DDX18: variants seen among roughly 807,000 people sequenced by gnomAD.
The protein encoded by DDX18 is DEAD-box helicase 18.
In DDX18, 23 loss-of-function variants were observed where a neutral mutation model predicts 73.5. The observed-to-expected ratio is 0.31, with a 90% confidence interval of 0.23 to 0.44. The LOEUF is 0.44. DDX18 is among the 20% of genes least tolerant of loss of function. DDX18 has a pLI of 1.00. For synonymous variants in DDX18, 268 were observed against 282.7 expected, an observed-to-expected ratio of 0.95 and a Z score of 0.52; for missense variants, 753 against 792.9, an observed-to-expected ratio of 0.95 and a Z score of 0.60.
intron 13 of DDX18, among the ~76,000 whole-genome samples, chr2:117,830,154 A>T (rs1679997030): frequency 6.6e-6 from 1 of 152,186 alleles, no homozygotes; most frequent in Admixed American, 6.5e-5. Flanking sequence ...AGCTGAAATG[A>T]ATGTATGTCG....
chr2:117,816,689 TTTATTATCA>T (rs1413958145), intron 1 of DDX18, among the ~76,000 whole-genome samples: 1 of 152,192 alleles, frequency 6.6e-6, no homozygotes, highest in Non-Finnish European at 1.5e-5. Flanking sequence ...AGTAACATAG[TTTATTATCA>T]CGTATTATGT....
intron 9 of DDX18, 111 bp from the exon 10 acceptor site, chr2:117,825,336 C>T: frequency 7.5e-7 from 1 of 1,340,392 alleles, no homozygotes; most frequent in South Asian, 1.4e-5. Flanking sequence ...GGAAATAGGA[C>T]ATAGGCCAAG....
intron 12 of DDX18, 37 bp downstream of exon 12, chr2:117,829,042 C>G: frequency 6.5e-7 from 1 of 1,542,426 alleles, no homozygotes; most frequent in South Asian, 1.1e-5. Flanking sequence ...TAAACAGGAA[C>G]CTTGTCCCAG....
chr2:117,820,716 T>G (rs1679831632), intron 3 of DDX18, among the ~76,000 whole-genome samples: 1 of 152,234 alleles, frequency 6.6e-6, no homozygotes, highest in South Asian at 2.1e-4. Context: ...CCTAACATTC[T>G]GTGGCTGTAT....
In DDX18 at chr2:117,817,675, A is replaced by G. The variant is rs948247921; in HGVS notation, c.317A>G (p.Glu106Gly). The G allele has an allele frequency of 6.2e-7, 1 of 1,605,712 alleles. No homozygotes were observed. The highest frequency in any genetic ancestry group is 1.1e-5 in the South Asian group (1 of 88,426). Residue 106 changes from glutamate to glycine, a missense_variant, in exon 2 of 14, where the codon GAA becomes GGA. Coordinates refer to ENST00000263239, the MANE Select transcript of DDX18 (RefSeq NM_006773.4). ...GCAGCAATGCAGTCTTCCAATTCAG[A>G]ATCAAAAAAGAAAAAGAAGAAAAAG... is the stretch of plus-strand genomic sequence containing the variant. ...GEAAMQSSNS[E>G]SKKKKKKKRK...
At chr2:117,817,101 A>C (rs1435841934) in intron 1 of DDX18, among the ~76,000 whole-genome samples, 1 of 152,214 alleles carries the variant, frequency 6.6e-6, no homozygotes, top group Non-Finnish European at 1.5e-5. Context: ...ATGTTTATCA[A>C]ATACTTATGT....
rs1679901265 is a variant in DDX18, at chr2:117,825,008, G to A, written c.1275G>A (p.Lys425=). 1 of 1,613,814 alleles carries A rather than the reference G, an allele frequency of 6.2e-7. No individual in the cohort carries two copies. Among genetic ancestry groups the A allele is most frequent in the Non-Finnish European group, 8.5e-7 (1 of 1,179,808 alleles). Residue 425 remains lysine, a synonymous_variant, in exon 9 of 14, where the codon AAG becomes AAA. Transcript: ENST00000263239. The part of the protein sequence containing the change: ...LLFTFLKKNR[K]KKLMVFFSSC... ...TTACATTCCTTAAGAAGAACCGAAA[G>A]AAGAAGCTTATGGTCTTCTTTTCAT...
chr2:117,820,141 G>T (rs1289464469), intron 3 of DDX18, among the ~76,000 whole-genome samples: 2 of 152,158 alleles, frequency 1.3e-5, no homozygotes, highest in African/African-American at 4.8e-5. Context: ...TTTGGCCTTT[G>T]TTCCTTTATA....
rs138973927 is a variant in DDX18, at chr2:117,817,369, C to T, written c.86-75C>T. On this transcript the variant is annotated intron_variant, in intron 1 of 13. Coordinates refer to ENST00000263239, the MANE Select transcript of DDX18 (RefSeq NM_006773.4). ...TTTGTGTCAGGAAGCCATGGAAGTT[C>T]TCATTTGGGATTTCAGTGTTTCTAA... 9.7e-4 allele frequency: 1,329 copies of T among 1,376,310 alleles called. 18 individuals are homozygous for T. In the African/African-American group the frequency reaches 0.018, roughly 18 times the overall value. 85.3% of individuals were successfully genotyped at this position (1,376,310 alleles called of 1,614,324 possible).
Position 117,829,429 on chromosome 2 carries a change from G to C in DDX18, c.1833G>C (p.Leu611=), listed in dbSNP as rs751071991. The C allele has an allele frequency of 5.6e-6, 9 of 1,612,270 alleles. No individual in the cohort carries two copies. The East Asian group carries it at 1.1e-4, about 20-fold the overall frequency. The change falls in exon 13 of 14, where the codon CTG becomes CTC. Residue 611 remains leucine (L), a synonymous_variant. Coordinates refer to ENST00000263239, the MANE Select transcript of DDX18 (RefSeq NM_006773.4). ...ACCTAAATTTGCCTCAGGTTGCTCTGTCATTTGGTTTCAAGGTGCCTCCCT... is the reference window on the plus strand; with the variant it reads ...ACCTAAATTTGCCTCAGGTTGCTCTCTCATTTGGTTTCAAGGTGCCTCCCT... ...VNNLNLPQVA[L]SFGFKVPPFV...
chr2:117,817,610 A>G lies in DDX18; in HGVS notation c.252A>G (p.Thr84=), dbSNP rs1380097798. 4 of 1,613,962 alleles carry G rather than the reference A, an allele frequency of 2.5e-6. No individual in the cohort carries two copies. Among genetic ancestry groups the G allele is most frequent in the African/African-American group, 1.3e-5 (1 of 74,926 alleles). ...SQEAVGNIKV[T]KSPQKSTVLT... ...AAGCAGTGGGAAATATAAAAGTTAC[A>G]AAGTCTCCCCAGAAATCCACTGTAT... The change falls in exon 2 of 14, where the codon ACA becomes ACG. Residue 84 remains threonine (T), a synonymous_variant. Transcript: ENST00000263239.
At chr2:117,815,517 C>CTGT (rs1263214116) in intron 1 of DDX18, among the ~76,000 whole-genome samples, 1 of 152,140 alleles carries the variant, frequency 6.6e-6, no homozygotes, top group Non-Finnish European at 1.5e-5. Context: ...TTGTGTTAAC[C>CTGT]TGTTGTCCAG....
intron 3 of DDX18, among the ~76,000 whole-genome samples, 179 bp from the exon 4 acceptor site, chr2:117,820,981 CA>C (rs1395423611): frequency 2.0e-5 from 3 of 152,208 alleles, no homozygotes; most frequent in African/African-American, 7.2e-5. Context: ...CAGCCGTTAA[CA>C]GTGGAGAAAC....
chr2:117,830,785 AT>A lies in DDX18; in HGVS notation c.*64del, dbSNP rs2104628612. ...CTAAAATGAATTTTTTTTCCCCTTG[AT>A]TTAACAGGATTTTTGTAGACTTTAG... On this transcript the variant is annotated 3_prime_UTR_variant, in exon 14 of 14. Transcript: ENST00000263239. 6.3e-7 allele frequency: 1 copy of A among 1,589,296 alleles called. No homozygotes were observed. The highest frequency in any genetic ancestry group is 1.4e-5 in the African/African-American group (1 of 73,296).
At chr2:117,830,406 G>C (rs921752327) in intron 13 of DDX18, among the ~76,000 whole-genome samples, 176 bp from the exon 14 acceptor site, 4 of 152,124 alleles carry the variant, frequency 2.6e-5, no homozygotes, top group Non-Finnish European at 5.9e-5. Context: ...CCACAGTCAC[G>C]TGGCCACTCC....
intron 11 of DDX18, chr2:117,828,207 A>G (rs1022118760): frequency 1.3e-5 from 2 of 152,122 alleles, no homozygotes; most frequent in African/African-American, 4.8e-5. Context: ...TTAAGTTCTT[A>G]GTAGATTCTG....
chr2:117,820,937 T>G (rs942661597), intron 3 of DDX18, among the ~76,000 whole-genome samples: 5 of 152,220 alleles, frequency 3.3e-5, no homozygotes, highest in African/African-American at 1.2e-4. Flanking sequence ...ACCCCTTGTT[T>G]TGTTATAGTA....
At position 117,829,437 on chromosome 2, in the gene DDX18, G is replaced by C. The variant is rs767339459; in HGVS notation, c.1841G>C (p.Gly614Ala). The stretch of plus-strand genomic sequence containing the variant: ...TTGCCTCAGGTTGCTCTGTCATTTG[G>C]TTTCAAGGTGCCTCCCTTCGTTGAT... ...LNLPQVALSF[G>A]FKVPPFVDLN... The change falls in exon 13 of 14, where the codon GGT becomes GCT. Residue 614 changes from glycine (G) to alanine (A), a missense_variant. By Grantham distance (60) the Gly-to-Ala change is moderately conservative. Around this residue, in one of 3 missense-constraint regions of DDX18, gnomAD observed 402 missense variants for 419.4 expected, o/e 0.96. Transcript: ENST00000263239. 1.2e-6 allele frequency: 2 copies of C among 1,611,052 alleles called. No individual in the cohort carries two copies. Among genetic ancestry groups the C allele is most frequent in the Non-Finnish European group, 1.7e-6 (2 of 1,179,310 alleles).
chr2:117,816,577 C>T (rs1558731130), intron 1 of DDX18, among the ~76,000 whole-genome samples: 1 of 152,064 alleles, frequency 6.6e-6, no homozygotes, highest in South Asian at 2.1e-4. Context: ...TTCTAAAATA[C>T]CTCTCTCCCT....
Sources: allele counts gnomAD v4.1 joint callset (sites outside exome capture counted in the v4.1 genomes callset), GRCh38; gene constraint gnomAD v4.1.1; regional missense constraint gnomAD v4.1.1; transcripts MANE v1.5; gene names NCBI Gene and HGNC (gene_info 2026-07-23, HGNC 2026-07-21).